PCDHA1: variants seen among roughly 807,000 people sequenced by gnomAD.
PCDHA1 encodes the protein protocadherin alpha-1.
Under a neutral mutation model 61.3 loss-of-function variants are expected in PCDHA1, and 42 were observed. The observed-to-expected ratio is 0.69, with a 90% CI of 0.54 to 0.89. The LOEUF is 0.89. Ranked by LOEUF, PCDHA1 falls within the 40% of genes least tolerant of loss-of-function variation. The probability of loss-of-function intolerance (pLI) is 0.00; values close to 1 mark genes in which losing one functional copy is unlikely to be tolerated. For missense variants in PCDHA1, 1,256 were observed against 1,235.3 expected (o/e 1.02, Z -0.25); for synonymous variants, 610 against 553.8 (o/e 1.10, Z -1.43).
chr5:140,836,541 G>A (rs2150263508), intron 1 of PCDHA1: 2 of 1,613,818 alleles, frequency 1.2e-6, no homozygotes, highest in Non-Finnish European at 1.7e-6. Context: ...GCTGTACACG[G>A]CGTTGCGGTG....
chr5:140,877,807 T>C, intron 1 of PCDHA1: 1 of 1,611,556 alleles, frequency 6.2e-7, no homozygotes, highest in Non-Finnish European at 8.5e-7. Context: ...CCTTCAGCTG[T>C]CTCGAGAAGA....
intron 1 of PCDHA1, chr5:140,843,413 G>C: frequency 1.3e-6 from 2 of 1,596,100 alleles, no homozygotes; most frequent in South Asian, 1.1e-5. Context: ...GGATGTCAAC[G>C]TGTACCTGAT....
At chr5:140,882,369 C>T (rs1554173809) in intron 1 of PCDHA1, 1 of 1,614,222 alleles carries the variant, frequency 6.2e-7, no homozygotes, top group South Asian at 1.1e-5. Context: ...CTCCACTACT[C>T]CGTCCCCGAG....
At chr5:140,843,169 C>T in intron 1 of PCDHA1, 1 of 1,596,092 alleles carries the variant, frequency 6.3e-7, no homozygotes, top group Non-Finnish European at 8.6e-7. Flanking sequence ...CAGCTGCAAG[C>T]AGCCCTCGCA....
intron 1 of PCDHA1, among the ~76,000 whole-genome samples, chr5:140,911,564 CTT>C (rs1188784239): frequency 6.6e-6 from 1 of 152,226 alleles, no homozygotes. Flanking sequence ...TCTTTCATCA[CTT>C]TGTCCAGTGA....
At chr5:140,813,295 A>T (rs1554126164) in intron 1 of PCDHA1, 1 of 152,192 alleles carries the variant, frequency 6.6e-6, no homozygotes, top group African/African-American at 2.4e-5. Flanking sequence ...TCATTCTGAG[A>T]TTTCATCACT....
At chr5:140,968,353 C>A (rs1377792748) in intron 1 of PCDHA1, 1 of 1,614,106 alleles carries the variant, frequency 6.2e-7, no homozygotes, top group Non-Finnish European at 8.5e-7. Context: ...GTGCCAGTGG[C>A]AGCCTTTATG....
At chr5:140,873,489 C>G (rs2054319766) in intron 1 of PCDHA1, among the ~76,000 whole-genome samples, 1 of 152,054 alleles carries the variant, frequency 6.6e-6, no homozygotes, top group Admixed American at 6.6e-5. Context: ...CTGATTTCTG[C>G]AAAGTTGTGT....
At chr5:140,857,087 C>T (rs782316831) in intron 1 of PCDHA1, 8 of 1,597,160 alleles carry the variant, frequency 5.0e-6, no homozygotes, top group East Asian at 2.2e-5. Flanking sequence ...TGATAATTCA[C>T]CTGAGGTGAT....
chr5:140,848,579 C>A lies in PCDHA1; in HGVS notation c.2394+59895C>A, dbSNP rs2150413279. Reference sequence around the variant, plus strand: ...TCCTCGCAATGTGGGTGGTGGGGAGCGGCCAGCTCCACTACTCCGTCCCGG... The same window carrying A: ...TCCTCGCAATGTGGGTGGTGGGGAGAGGCCAGCTCCACTACTCCGTCCCGG... On this transcript the variant is annotated intron_variant, in intron 1 of 3. Transcript: ENST00000504120. 0.52 allele frequency: 831,192 copies of A among 1,591,790 alleles called. 256,408 individuals are homozygous for A. Among genetic ancestry groups the A allele is most frequent in the South Asian group, 0.62 (55,610 of 90,064 alleles).
chr5:140,883,640 C>G (rs143631680), intron 1 of PCDHA1: 2 of 1,613,958 alleles, frequency 1.2e-6, no homozygotes, highest in Non-Finnish European at 1.7e-6. Context: ...GTTCGCGCAG[C>G]CCGAGTACAC....
chr5:140,913,981 G>A (rs1222294742), intron 1 of PCDHA1, among the ~76,000 whole-genome samples: 1 of 152,090 alleles, frequency 6.6e-6, no homozygotes, highest in Non-Finnish European at 1.5e-5. Flanking sequence ...TTTAGGACTT[G>A]TATTGTGACT....
chr5:140,808,153 C>G, intron 1 of PCDHA1: 1 of 1,614,034 alleles, frequency 6.2e-7, no homozygotes, highest in Non-Finnish European at 8.5e-7. Flanking sequence ...TTGTAGAGGG[C>G]ATTGATAAGG....
chr5:140,946,631 T>TATATATATATATATATATACAC lies in PCDHA1; in HGVS notation c.2395-32317_2395-32316insTATATATATATATATATACACA, dbSNP rs57893927. Among the ~76,000 whole-genome samples the TATATATATATATATATATACAC allele has an allele frequency of 6.1e-4, 80 of 131,840 alleles. 1 individual carries two copies. The East Asian group carries it at 6.6e-3, about 11-fold the overall frequency. The allele number at this position is 131,840 out of a possible 152,430, so 86.5% of individuals were successfully genotyped here. A position where few individuals can be genotyped will look rare whatever the true frequency, so the allele number is the denominator to read the frequency against. ...TGTGAAATATATATATATATATATATACAATGGAATACTCATCAGCCATTA... is the reference window on the plus strand; with the variant it reads ...TGTGAAATATATATATATATATATATATATATATATATATATATACACACAATGGAATACTCATCAGCCATTA... On this transcript the variant is annotated intron_variant, in intron 1 of 3. Transcript: ENST00000504120.
chr5:140,805,949 A>G (rs574617757), intron 1 of PCDHA1, among the ~76,000 whole-genome samples: 3 of 152,352 alleles, frequency 2.0e-5, no homozygotes, highest in Non-Finnish European at 4.4e-5. Context: ...TGAGCTATTA[A>G]ACAATTAAGA....
chr5:140,876,699 G>T (rs782209543), intron 1 of PCDHA1: 1 of 1,614,228 alleles, frequency 6.2e-7, no homozygotes. Context: ...CGTTGGTGCT[G>T]GACAGCGCCC....
chr5:140,830,101 G>A (rs2150181157), intron 1 of PCDHA1: 1 of 1,613,650 alleles, frequency 6.2e-7, no homozygotes, highest in Admixed American at 1.7e-5. Flanking sequence ...TGTCGCTGGT[G>A]GAGAGTGGCC....
At position 140,855,852 on chromosome 5, in the gene PCDHA1, G is replaced by A. The variant is rs1233260488; in HGVS notation, c.2394+67168G>A. 21 of 674,672 alleles carry A rather than the reference G, an allele frequency of 3.1e-5. 2 individuals carry two copies. The highest frequency in any genetic ancestry group is 4.6e-5 in the Non-Finnish European group (19 of 409,080). 41.8% of individuals were successfully genotyped at this position (674,672 alleles called of 1,614,324 possible). On this transcript the variant is annotated intron_variant, in intron 1 of 3. Coordinates refer to ENST00000504120, the MANE Select transcript of PCDHA1 (RefSeq NM_018900.4). The stretch of plus-strand genomic sequence containing the variant: ...ATCGTACTTACACCTAAAGCCACCG[G>A]ATGTCGCTGTCGTCCACAAAATAGC...
rs1265852069 is a variant in PCDHA1 at position 140,837,275 on chromosome 5, CTT to C, written c.2394+48592_2394+48593del. The C allele has an allele frequency of 4.6e-5, 7 of 152,036 alleles. 1 individual carries two copies. The highest frequency in any genetic ancestry group is 1.7e-4 in the African/African-American group (7 of 41,340). 9.4% of individuals were successfully genotyped at this position (152,036 alleles called of 1,614,324 possible). ...TTTTATCATATTTGTGTAGCACTGA[CTT>C]CTTTTTAACTTACTTTGTTGAGATG... On this transcript the variant is annotated intron_variant, in intron 1 of 3. Coordinates refer to ENST00000504120, the MANE Select transcript of PCDHA1 (RefSeq NM_018900.4).
Sources: allele counts gnomAD v4.1 joint callset (sites outside exome capture counted in the v4.1 genomes callset), GRCh38; gene constraint gnomAD v4.1.1; transcripts MANE v1.5; gene names NCBI Gene and HGNC (gene_info 2026-07-23, HGNC 2026-07-21).